RIT2: variants seen among roughly 807,000 people sequenced by gnomAD.
The protein encoded by RIT2 is GTP-binding protein Rit2.
A neutral mutation model predicts 23.7 loss-of-function variants in RIT2; 24 were observed. The observed-to-expected ratio is 1.01, with a 90% CI of 0.73 to 1.43. RIT2 has a LOEUF of 1.43. Ranked by LOEUF, RIT2 falls within the 40% of genes most tolerant of loss-of-function variation. The pLI is 0.00. For synonymous variants in RIT2, 107 were observed against 91.1 expected (o/e 1.17, Z -0.99); for missense variants, 236 against 266.9 (o/e 0.88, Z 0.81).
At chr18:42,928,520 T>A (rs1909241501) in intron 3 of RIT2, among the ~76,000 whole-genome samples, 1 of 152,102 alleles carries the variant, frequency 6.6e-6, no homozygotes, top group African/African-American at 2.4e-5. Flanking sequence ...TAAGACCTGC[T>A]TACCCTTCAA....
intron 4 of RIT2, among the ~76,000 whole-genome samples, chr18:42,782,871 C>T (rs540795941): frequency 6.6e-5 from 10 of 151,866 alleles, no homozygotes; most frequent in Non-Finnish European, 1.5e-4. Context: ...AAGTTAAGTG[C>T]CAGAGACAGG....
intron 4 of RIT2, among the ~76,000 whole-genome samples, chr18:42,914,214 C>G (rs1598712356): frequency 6.6e-6 from 1 of 152,018 alleles, no homozygotes; most frequent in African/African-American, 2.4e-5. Flanking sequence ...AATAATAGAG[C>G]CATTCTGGAA....
intron 4 of RIT2, among the ~76,000 whole-genome samples, chr18:42,809,947 T>A (rs577363474): frequency 6.9e-6 from 1 of 144,162 alleles, no homozygotes; most frequent in South Asian, 2.1e-4. Flanking sequence ...TAATATATGA[T>A]ATACATAATT....
intron 1 of RIT2, among the ~76,000 whole-genome samples, chr18:43,107,959 C>T (rs544304604): frequency 1.3e-5 from 2 of 149,268 alleles, no homozygotes; most frequent in South Asian, 2.1e-4. Context: ...GTCAGGAGAT[C>T]GAGACCATCC....
At chr18:42,843,330 T>G (rs1197144705) in intron 4 of RIT2, among the ~76,000 whole-genome samples, 1 of 152,212 alleles carries the variant, frequency 6.6e-6, no homozygotes, top group East Asian at 1.9e-4. Context: ...TTGAAAAATC[T>G]CCAGCTGCCT....
intron 4 of RIT2, among the ~76,000 whole-genome samples, chr18:42,806,620 C>T (rs931586496): frequency 6.6e-6 from 1 of 152,166 alleles, no homozygotes; most frequent in Non-Finnish European, 1.5e-5. Context: ...TTTGCTTTTA[C>T]ATAATCAGTG....
chr18:42,746,797 A>C (rs967116957), intron 4 of RIT2, among the ~76,000 whole-genome samples: 6 of 152,122 alleles, frequency 3.9e-5, no homozygotes, highest in African/African-American at 1.4e-4. Flanking sequence ...ATTTAAAACA[A>C]AAATAACATG....
chr18:43,012,974 G>C (rs1445008488), intron 2 of RIT2, among the ~76,000 whole-genome samples: 1 of 151,742 alleles, frequency 6.6e-6, no homozygotes, highest in African/African-American at 2.4e-5. Flanking sequence ...AATGTCTGTT[G>C]ATAGTAAGCC....
rs150139347 is a variant in RIT2 at position 42,978,646 on chromosome 18, G to A, written c.161-4499C>T. 3.2e-3 allele frequency among the ~76,000 whole-genome samples: 489 copies of A among 152,160 alleles called. 3 individuals are homozygous for A. Among genetic ancestry groups the A allele is most frequent in the African/African-American group, 0.011 (450 of 41,518 alleles). ...AGCAGCTGCCTGCTGTATCATTTGC[G>A]CAGAAAAGCACACTAGGACTGCATT... On this transcript the variant is annotated intron_variant, in intron 2 of 4. Coordinates refer to ENST00000326695, the MANE Select transcript of RIT2 (RefSeq NM_002930.4).
intron 4 of RIT2, among the ~76,000 whole-genome samples, chr18:42,796,181 C>G (rs536931216): frequency 1.3e-5 from 2 of 152,094 alleles, no homozygotes; most frequent in Admixed American, 1.3e-4. Context: ...ACACTCACGG[C>G]GAAGGTCTGC....
intron 4 of RIT2, among the ~76,000 whole-genome samples, chr18:42,903,275 A>G (rs555463802): frequency 4.6e-5 from 7 of 152,198 alleles, no homozygotes; most frequent in African/African-American, 1.7e-4. Flanking sequence ...AAAACAGGTT[A>G]ATAGGTTGAT....
chr18:42,840,626 C>A (rs1015515300), intron 4 of RIT2, among the ~76,000 whole-genome samples: 1 of 152,128 alleles, frequency 6.6e-6, no homozygotes, highest in Non-Finnish European at 1.5e-5. Context: ...CTCAGCCTCC[C>A]GAGTAGCTGG....
intron 2 of RIT2, among the ~76,000 whole-genome samples, chr18:43,010,734 A>G (rs9304290): frequency 0.95 from 143,852 of 151,770 alleles, 68,575 homozygotes; most frequent in South Asian, 1. Context: ...GCACCCACAC[A>G]CACACATACC....
At chr18:43,066,753 A>G (rs1912778983) in intron 1 of RIT2, among the ~76,000 whole-genome samples, 1 of 152,100 alleles carries the variant, frequency 6.6e-6, no homozygotes, top group South Asian at 2.1e-4. Context: ...GCATTAAGCA[A>G]TGCATACAAA....
At position 42,981,875 on chromosome 18, in the gene RIT2, A is replaced by T. The variant is rs79026547; in HGVS notation, c.161-7728T>A. Among the ~76,000 whole-genome samples the T allele has an allele frequency of 5.8e-3, 879 of 152,256 alleles. 10 individuals are homozygous for T. Among genetic ancestry groups the T allele is most frequent in the African/African-American group, 0.02 (837 of 41,558 alleles). On this transcript the variant is annotated intron_variant, in intron 2 of 4. Transcript: ENST00000326695. Reference sequence around the variant, plus strand: ...CTATGAGAAGATAAACTATATTCATAAAGAAATAGGTCAAAAAGTGAAATG... The same window carrying T: ...CTATGAGAAGATAAACTATATTCATTAAGAAATAGGTCAAAAAGTGAAATG...
intron 2 of RIT2, among the ~76,000 whole-genome samples, chr18:43,012,239 G>C (rs543023902): frequency 8.6e-4 from 130 of 151,900 alleles, no homozygotes; most frequent in African/African-American, 3.1e-3. Context: ...TTTGTTTTAA[G>C]TTTACTGGAT....
chr18:42,971,765 C>T (rs183861906), intron 3 of RIT2, among the ~76,000 whole-genome samples: 2 of 152,102 alleles, frequency 1.3e-5, no homozygotes, highest in East Asian at 3.9e-4. Context: ...AAAGGGTTAT[C>T]TGCAGCATTC....
At chr18:43,016,428 T>C (rs77805102) in intron 2 of RIT2, among the ~76,000 whole-genome samples, 4,817 of 151,904 alleles carry the variant, frequency 0.032, 273 homozygotes, top group African/African-American at 0.11. Flanking sequence ...AAGGCTCAGA[T>C]TGGATCAATA....
chr18:43,052,593 C>T (rs920242839), intron 1 of RIT2, among the ~76,000 whole-genome samples: 17 of 152,064 alleles, frequency 1.1e-4, no homozygotes, highest in African/African-American at 4.1e-4. Context: ...CGAAAAAGTC[C>T]AGGGGCTGGT....
Sources: gnomAD v4.1 joint callset for allele counts (sites outside exome capture counted in the v4.1 genomes callset) on GRCh38, gnomAD v4.1.1 for gene constraint, MANE v1.5 for transcripts, NCBI Gene and HGNC (gene_info 2026-07-23, HGNC 2026-07-21) for gene names.